IMMP2L: variants seen among roughly 807,000 people sequenced by gnomAD.
IMMP2L encodes mitochondrial inner membrane protease subunit 2.
IMMP2L carries 18 observed loss-of-function variants against 19.3 expected under a neutral mutation model. The observed-to-expected ratio is 0.93, with a 90% CI of 0.64 to 1.38. IMMP2L has a LOEUF of 1.38. Ranked by LOEUF, IMMP2L falls within the 40% of genes most tolerant of loss-of-function variation. IMMP2L has a pLI of 0.00. For missense variants in IMMP2L, 233 were observed against 218.2 expected, an observed-to-expected ratio of 1.07 and a Z score of -0.43; for synonymous variants, 76 against 73.0, an observed-to-expected ratio of 1.04 and a Z score of -0.21.
chr7:111,204,691 A>C (rs1810512700), intron 3 of IMMP2L, among the ~76,000 whole-genome samples: 1 of 152,220 alleles, frequency 6.6e-6, no homozygotes, highest in Non-Finnish European at 1.5e-5. Flanking sequence ...GTACTTTCAT[A>C]TAAGAAATGA....
At chr7:111,452,173 C>T (rs1839268760) in intron 3 of IMMP2L, among the ~76,000 whole-genome samples, 1 of 152,078 alleles carries the variant, frequency 6.6e-6, no homozygotes, top group Non-Finnish European at 1.5e-5. Context: ...TAGTTTTTAT[C>T]AGCAACAATC....
intron 3 of IMMP2L, among the ~76,000 whole-genome samples, chr7:111,437,672 T>C (rs1232553392): frequency 6.6e-6 from 1 of 151,984 alleles, no homozygotes; most frequent in African/African-American, 2.4e-5. Flanking sequence ...CTGGCCGCTT[T>C]CACCTTACAA....
intron 3 of IMMP2L, among the ~76,000 whole-genome samples, chr7:111,165,923 C>A (rs974033359): frequency 5.3e-5 from 8 of 152,040 alleles, no homozygotes; most frequent in Non-Finnish European, 8.8e-5. Flanking sequence ...TGCTCTCAGC[C>A]AATCAGCAGA....
At chr7:110,716,342 T>C (rs1225691362) in intron 5 of IMMP2L, among the ~76,000 whole-genome samples, 3 of 151,976 alleles carry the variant, frequency 2.0e-5, no homozygotes, top group Admixed American at 2.0e-4. Flanking sequence ...TATAATGAAG[T>C]TTGTTGGTTG....
At chr7:111,277,257 A>C (rs1819175672) in intron 3 of IMMP2L, among the ~76,000 whole-genome samples, 1 of 152,086 alleles carries the variant, frequency 6.6e-6, no homozygotes, top group African/African-American at 2.4e-5. Context: ...ACAACTCTAC[A>C]AGATAAAAAA....
chr7:111,279,641 G>A (rs78015552), intron 3 of IMMP2L, among the ~76,000 whole-genome samples: 3,070 of 152,216 alleles, frequency 0.02, 98 homozygotes, highest in African/African-American at 0.069. Context: ...ATATCACATA[G>A]GAAGGGACAA....
intron 5 of IMMP2L, among the ~76,000 whole-genome samples, chr7:110,837,596 A>G (rs1013466003): frequency 5.9e-5 from 9 of 152,132 alleles, no homozygotes; most frequent in African/African-American, 2.2e-4. Flanking sequence ...TATTTGGTAT[A>G]GAGAGAATGA....
At chr7:111,104,423 T>C (rs1290615861) in intron 3 of IMMP2L, among the ~76,000 whole-genome samples, 3 of 151,856 alleles carry the variant, frequency 2.0e-5, no homozygotes, top group African/African-American at 7.2e-5. Flanking sequence ...TTCTCACTTC[T>C]GTTGATAATG....
At chr7:110,853,620 G>A (rs568759513) in intron 5 of IMMP2L, among the ~76,000 whole-genome samples, 1 of 152,080 alleles carries the variant, frequency 6.6e-6, no homozygotes, top group East Asian at 1.9e-4. Context: ...TCCTATACAT[G>A]AAGTCAGATA....
At chr7:110,686,626 C>A (rs538254561) in intron 5 of IMMP2L, among the ~76,000 whole-genome samples, 1 of 151,998 alleles carries the variant, frequency 6.6e-6, no homozygotes, top group African/African-American at 2.4e-5. Flanking sequence ...TCAACTGTAA[C>A]CTCAGAGCCA....
At chr7:111,131,820 T>C (rs918132938) in intron 3 of IMMP2L, among the ~76,000 whole-genome samples, 1 of 151,830 alleles carries the variant, frequency 6.6e-6, no homozygotes, top group East Asian at 1.9e-4. Flanking sequence ...GAACTATATA[T>C]TCATATAGTT....
At chr7:111,559,858 A>G (rs1226643530) in intron 1 of IMMP2L, among the ~76,000 whole-genome samples, 1 of 152,196 alleles carries the variant, frequency 6.6e-6, no homozygotes, top group Non-Finnish European at 1.5e-5. Flanking sequence ...CTAATAAAAT[A>G]AGAGCCAGAA....
At chr7:111,211,163 A>T (rs1178684740) in intron 3 of IMMP2L, among the ~76,000 whole-genome samples, 1 of 152,188 alleles carries the variant, frequency 6.6e-6, no homozygotes, top group African/African-American at 2.4e-5. Context: ...GTACTACAAG[A>T]GTTCAGAAGA....
intron 1 of IMMP2L, among the ~76,000 whole-genome samples, chr7:111,547,011 C>T (rs1196151131): frequency 6.6e-6 from 1 of 152,058 alleles, no homozygotes; most frequent in African/African-American, 2.4e-5. Context: ...GCAAGCAGAG[C>T]CAGGTAGGAT....
rs561298427 is a variant in IMMP2L at position 110,815,574 on chromosome 7, C to T, written c.408+71019G>A. ...TCCTCCTTGTACCTCTGGTAGAATTCGGCTGTGAATCCATCTGGTCCTGGA... is the reference window on the plus strand; with the variant it reads ...TCCTCCTTGTACCTCTGGTAGAATTTGGCTGTGAATCCATCTGGTCCTGGA... On this transcript the variant is annotated intron_variant, in intron 5 of 5. Coordinates refer to ENST00000405709, the MANE Select transcript of IMMP2L (RefSeq NM_032549.4). Among the ~76,000 whole-genome samples, 395 of 152,102 alleles carry T rather than the reference C, an allele frequency of 2.6e-3. 1 individual carries two copies. Among genetic ancestry groups the T allele is most frequent in the African/African-American group, 7.1e-3 (293 of 41,504 alleles).
chr7:110,926,055 C>G (rs2129551076), intron 4 of IMMP2L, among the ~76,000 whole-genome samples: 1 of 151,872 alleles, frequency 6.6e-6, no homozygotes, highest in East Asian at 1.9e-4. Context: ...GGATGGGAGC[C>G]CTAGAGTAGC....
intron 4 of IMMP2L, among the ~76,000 whole-genome samples, chr7:110,917,519 T>C (rs978892988): frequency 1.3e-5 from 2 of 152,220 alleles, no homozygotes; most frequent in Admixed American, 6.5e-5. Context: ...TATTAACTCA[T>C]ATTTGTTGAT....
At chr7:111,447,074 CG>C in intron 3 of IMMP2L, among the ~76,000 whole-genome samples, 1 of 143,050 alleles carries the variant, frequency 7.0e-6, no homozygotes, top group African/African-American at 2.7e-5. Context: ...ACCAAATCTA[CG>C]TCTGATTGGT....
At chr7:111,419,371 T>C (rs2131585479) in intron 3 of IMMP2L, among the ~76,000 whole-genome samples, 1 of 151,816 alleles carries the variant, frequency 6.6e-6, no homozygotes, top group South Asian at 2.1e-4. Context: ...ATTTCTTACC[T>C]AAGAGGATTT....
Sources: gnomAD v4.1 joint callset for allele counts (sites outside exome capture counted in the v4.1 genomes callset) on GRCh38, gnomAD v4.1.1 for gene constraint, MANE v1.5 for transcripts, NCBI Gene and HGNC (gene_info 2026-07-23, HGNC 2026-07-21) for gene names.